The following UBE3A variants were observed in gnomAD, a reference collection of about 807,000 sequenced individuals.
UBE3A encodes ubiquitin protein ligase E3A, also known as ubiquitin-protein ligase E3A.
In UBE3A, 6 loss-of-function variants were observed where a neutral mutation model predicts 83.4. The observed-to-expected ratio is 0.07, with a 90% confidence interval of 0.04 to 0.14. The LOEUF (loss-of-function observed/expected upper bound fraction) is 0.14. Ranked by LOEUF, UBE3A falls within the 10% of genes least tolerant of loss-of-function variation. The probability of loss-of-function intolerance (pLI) is 1.00; values close to 1 mark genes in which losing one functional copy is unlikely to be tolerated. For synonymous variants in UBE3A, 337 were observed against 355.4 expected, an observed-to-expected ratio of 0.95 and a Z score of 0.58; for missense variants, 456 against 1,036.1, an observed-to-expected ratio of 0.44 and a Z score of 7.69.
Position 25,370,429 on chromosome 15 carries a change from A to G in UBE3A, c.1608+137T>C. 1 of 1,036,156 alleles carries G rather than the reference A, an allele frequency of 9.7e-7. No homozygotes were observed. The highest frequency in any genetic ancestry group is 1.5e-6 in the Non-Finnish European group (1 of 673,212). 64.2% of individuals were successfully genotyped at this position (1,036,156 alleles called of 1,614,324 possible). A position where few individuals can be genotyped will look rare whatever the true frequency, so the allele number is the denominator to read the frequency against. The stretch of plus-strand genomic sequence containing the variant: ...TGCACAGGAACAACAAAAGTATAAT[A>G]CTTATATAAGATCAGAAATGTCCAT... On this transcript the variant is annotated intron_variant, in intron 6 of 12. Transcript: ENST00000648336. This position sits in a 1 kb window ranked among gnomAD's most constrained non-coding sequence, Gnocchi z 4.2.
intron 11 of UBE3A, among the ~76,000 whole-genome samples, chr15:25,350,214 T>C (rs551664293): frequency 6.6e-6 from 1 of 152,120 alleles, no homozygotes; most frequent in African/African-American, 2.4e-5. Flanking sequence ...GGTAAGAAGA[T>C]TGCATGAGCC....
chr15:25,351,208 G>A (rs1484472977), intron 11 of UBE3A, among the ~76,000 whole-genome samples: 1 of 152,154 alleles, frequency 6.6e-6, no homozygotes, highest in East Asian at 1.9e-4. Context: ...CATGTATACA[G>A]ATCCTATATG....
intron 4 of UBE3A, among the ~76,000 whole-genome samples, chr15:25,379,247 T>C (rs1159063703): frequency 6.6e-6 from 1 of 152,238 alleles, no homozygotes; most frequent in African/African-American, 2.4e-5. Context: ...TGTTAGCTAC[T>C]ACTATTATTG....
chr15:25,358,094 G>C (rs573252378), intron 7 of UBE3A, among the ~76,000 whole-genome samples: 1 of 151,790 alleles, frequency 6.6e-6, no homozygotes, highest in Admixed American at 6.6e-5. Flanking sequence ...ATTGGGGCCC[G>C]GTGTGGTAGT....
rs903339632 is a variant in UBE3A, at chr15:25,370,484, T to C, written c.1608+82A>G. On this transcript the variant is annotated intron_variant, in intron 6 of 12. Coordinates refer to ENST00000648336, the MANE Select transcript of UBE3A (RefSeq NM_130839.5). This position sits in a 1 kb window ranked among gnomAD's most constrained non-coding sequence, Gnocchi z 4.2. The stretch of plus-strand genomic sequence containing the variant: ...TCCTATGCTATATGGTATCATTTTT[T>C]TCAGTCACTTTTAAAATGAATTCAC... The C allele has an allele frequency of 1.3e-6, 2 of 1,520,064 alleles. No homozygotes were observed. The highest frequency in any genetic ancestry group is 1.8e-6 in the Non-Finnish European group (2 of 1,094,786). The allele number at this position is 1,520,064 out of a possible 1,614,324, so 94.2% of individuals were successfully genotyped here. A position where few individuals can be genotyped will look rare whatever the true frequency, so the allele number is the denominator to read the frequency against.
chr15:25,366,275 C>T (rs1270460896), intron 6 of UBE3A, among the ~76,000 whole-genome samples: 2 of 152,084 alleles, frequency 1.3e-5, no homozygotes, highest in African/African-American at 4.8e-5. Context: ...ATTAAACATA[C>T]CTAGTGCAGC....
intron 11 of UBE3A, among the ~76,000 whole-genome samples, chr15:25,353,805 T>C (rs532823477): frequency 6.6e-6 from 1 of 152,224 alleles, no homozygotes; most frequent in Admixed American, 6.5e-5. Context: ...AAGTAGACAG[T>C]AGAGTAGTAA....
At chr15:25,434,719 A>G (rs1363361968) in intron 1 of UBE3A, among the ~76,000 whole-genome samples, 2 of 152,194 alleles carry the variant, frequency 1.3e-5, no homozygotes, top group Admixed American at 6.5e-5. Flanking sequence ...CAATGTGTGC[A>G]GAGTCCTGAA....
In UBE3A at chr15:25,371,524, C is replaced by A; in HGVS notation, c.650G>T (p.Gly217Val). 6.2e-7 allele frequency: 1 copy of A among 1,614,132 alleles called. No homozygotes were observed. The highest frequency in any genetic ancestry group is 8.5e-7 in the Non-Finnish European group (1 of 1,180,020). ...SSSRIGDSSQ[G>V]DNNLQKLGPD... ...GCCTAATTTTTGCAAATTGTTGTCT[C>A]CCTGTGAGCTATCACCTATCCTTGA... Residue 217 changes from glycine to valine, a missense_variant, in exon 6 of 13, where the codon GGA becomes GTA. Gly to Val is a moderately radical substitution (Grantham distance 109). Around this residue, in one of 13 missense-constraint regions of UBE3A, gnomAD observed 42 missense variants for 41.8 expected, o/e 1.00. Coordinates refer to ENST00000648336, the MANE Select transcript of UBE3A (RefSeq NM_130839.5). The surrounding 1 kb of genome is among the most constrained non-coding windows in gnomAD (Gnocchi z 5.3).
At chr15:25,340,998 T>C (rs1343784828) in intron 11 of UBE3A, among the ~76,000 whole-genome samples, 1 of 152,178 alleles carries the variant, frequency 6.6e-6, no homozygotes, top group African/African-American at 2.4e-5. Flanking sequence ...TACAAGCTCA[T>C]AAAGTGCAAT....
At position 25,355,828 on chromosome 15, in the gene UBE3A, A is replaced by G. The variant is rs528351569; in HGVS notation, c.2124+64T>C. On this transcript the variant is annotated intron_variant, in intron 9 of 12. Coordinates refer to ENST00000648336, the MANE Select transcript of UBE3A (RefSeq NM_130839.5). ...TATATTAGATACTTCTTTAAAAATT[A>G]TAAGCATACATGCTTTGAAAGTGTT... 1.1e-5 allele frequency: 16 copies of G among 1,463,140 alleles called. No homozygotes were observed. The Middle Eastern group carries it at 7.2e-4, about 66-fold the overall frequency. The allele number at this position is 1,463,140 out of a possible 1,614,324, so 90.6% of individuals were successfully genotyped here. A position where few individuals can be genotyped will look rare whatever the true frequency, so the allele number is the denominator to read the frequency against.
At chr15:25,412,550 A>C (rs939534991) in intron 1 of UBE3A, among the ~76,000 whole-genome samples, 1 of 152,162 alleles carries the variant, frequency 6.6e-6, no homozygotes, top group Non-Finnish European at 1.5e-5. Context: ...TCAACCACTT[A>C]ATATATATCA....
chr15:25,378,491 C>A (rs1307170101), intron 4 of UBE3A, among the ~76,000 whole-genome samples: 1 of 152,144 alleles, frequency 6.6e-6, no homozygotes. Flanking sequence ...TTATTACACA[C>A]ACTGCGGGGC....
rs1021769615 is a variant in UBE3A at position 25,336,554 on chromosome 15, T to C, written c.*2583A>G. ...GCCTTTTTCAAGTTTCTTTTTGATA[T>C]GTATCTATCTATCTATCATCTCCCT... On this transcript the variant is annotated 3_prime_UTR_variant, in exon 13 of 13. Transcript: ENST00000648336. 1 of 149,130 alleles carries C rather than the reference T, an allele frequency of 6.7e-6. No homozygotes were observed. The highest frequency in any genetic ancestry group is 2.3e-4 in the East Asian group (1 of 4,256). 9.2% of individuals were successfully genotyped at this position (149,130 alleles called of 1,614,324 possible).
At chr15:25,342,741 G>C (rs1487401591) in intron 11 of UBE3A, among the ~76,000 whole-genome samples, 1 of 152,280 alleles carries the variant, frequency 6.6e-6, no homozygotes, top group South Asian at 2.1e-4. Flanking sequence ...TCCAGCAGGA[G>C]CTACATCGAA....
rs1338602307 is a variant in UBE3A, at chr15:25,438,796, G to C, written c.-472C>G. The C allele has an allele frequency of 6.6e-6, 1 of 152,436 alleles. No individual in the cohort carries two copies. The highest frequency in any genetic ancestry group is 6.5e-5 in the Admixed American group (1 of 15,290). 9.4% of individuals were successfully genotyped at this position (152,436 alleles called of 1,614,324 possible). ...GCCGAAGGAGGCGCCGCCGCCCGCAGCCGAGCGCGCCGGGTCGGCAGAGGT... is the reference window on the plus strand; with the variant it reads ...GCCGAAGGAGGCGCCGCCGCCCGCACCCGAGCGCGCCGGGTCGGCAGAGGT... On this transcript the variant is annotated 5_prime_UTR_variant, in exon 1 of 13. Transcript: ENST00000648336.
chr15:25,422,136 A>G (rs745561723), intron 1 of UBE3A, among the ~76,000 whole-genome samples: 21 of 152,218 alleles, frequency 1.4e-4, no homozygotes, highest in Admixed American at 2.0e-4. Flanking sequence ...ACAAACACAA[A>G]TTGGATGAAT....
At chr15:25,359,433 G>A (rs1211304495) in intron 7 of UBE3A, among the ~76,000 whole-genome samples, 6 of 138,866 alleles carry the variant, frequency 4.3e-5, no homozygotes, top group African/African-American at 1.6e-4. Context: ...GTGTGTGTGT[G>A]TGTGTGTGTG....
intron 1 of UBE3A, among the ~76,000 whole-genome samples, chr15:25,433,350 A>AT (rs532998086): frequency 1.3e-4 from 19 of 149,382 alleles, no homozygotes; most frequent in South Asian, 2.1e-4. Context: ...CGTCCGGCTA[A>AT]TTTTTTTTTT....
Sources: gnomAD v4.1 joint callset for allele counts (sites outside exome capture counted in the v4.1 genomes callset) on GRCh38, gnomAD v4.1.1 for gene constraint, gnomAD v4.1.1 regional missense constraint, Gnocchi (gnomAD v3.1) non-coding constraint, MANE v1.5 for transcripts, NCBI Gene and HGNC (gene_info 2026-07-23, HGNC 2026-07-21) for gene names.